The following GRB14 variants were observed in gnomAD, a reference collection of about 807,000 sequenced individuals.
GRB14 encodes growth factor receptor-bound protein 14.
GRB14 carries 38 observed loss-of-function variants against 69.1 expected under a neutral mutation model. The observed-to-expected ratio is 0.55, with a 90% confidence interval of 0.42 to 0.72. The LOEUF is 0.72. GRB14 is among the 30% of genes least tolerant of loss of function. The probability of loss-of-function intolerance (pLI) is 0.00; values close to 1 mark genes in which losing one functional copy is unlikely to be tolerated. For synonymous variants in GRB14, 247 were observed against 241.3 expected (o/e 1.02, Z -0.22); for missense variants, 666 against 666.1 (o/e 1.00, Z 0.00).
intron 3 of GRB14, among the ~76,000 whole-genome samples, chr2:164,541,732 C>CAT (rs755973330): frequency 1.2e-3 from 180 of 151,554 alleles, no homozygotes; most frequent in African/African-American, 4.0e-3. Context: ...AACACACACA[C>CAT]ATATATATAT....
intron 2 of GRB14, among the ~76,000 whole-genome samples, chr2:164,581,716 A>G (rs1689410276): frequency 6.6e-6 from 1 of 152,190 alleles, no homozygotes; most frequent in Non-Finnish European, 1.5e-5. Flanking sequence ...TTACAGCAGC[A>G]AGGGGAAATA....
At chr2:164,529,622 TTC>T (rs1326644826) in intron 3 of GRB14, among the ~76,000 whole-genome samples, 1 of 152,160 alleles carries the variant, frequency 6.6e-6, no homozygotes, top group African/African-American at 2.4e-5. Flanking sequence ...CAGGGATTCT[TTC>T]TCTGAGTGTC....
intron 4 of GRB14, among the ~76,000 whole-genome samples, chr2:164,526,433 C>T (rs1687775189): frequency 6.6e-6 from 1 of 151,942 alleles, no homozygotes; most frequent in Admixed American, 6.6e-5. Context: ...GTAGTATTTA[C>T]TAGATAATGC....
At chr2:164,528,460 A>C (rs1008536023) in intron 3 of GRB14, among the ~76,000 whole-genome samples, 1 of 152,144 alleles carries the variant, frequency 6.6e-6, no homozygotes, top group Non-Finnish European at 1.5e-5. Flanking sequence ...TTCAACATTC[A>C]GTAGTGATTT....
chr2:164,504,576 A>T (rs1235023469), intron 8 of GRB14, among the ~76,000 whole-genome samples: 1 of 152,160 alleles, frequency 6.6e-6, no homozygotes, highest in African/African-American at 2.4e-5. Context: ...AAGAGATCAT[A>T]TCATGTCTCT....
At chr2:164,552,650 C>T (rs1292765605) in intron 2 of GRB14, among the ~76,000 whole-genome samples, 1 of 152,166 alleles carries the variant, frequency 6.6e-6, no homozygotes, top group African/African-American at 2.4e-5. Context: ...AAATCAGATG[C>T]TATTCTCTCT....
intron 8 of GRB14, among the ~76,000 whole-genome samples, chr2:164,503,442 CAAAAAAAAAAAAAAAAAAAAAAAAA>C (rs148268784): frequency 1.1e-5 from 1 of 92,258 alleles, no homozygotes; most frequent in African/African-American, 6.4e-5. Context: ...GGTAATTAGG[CAAAAAAAAAAAAAAAAAAAAAAAAA>C]AAAAAAAAAT....
At chr2:164,552,877 T>C (rs1276143611) in intron 2 of GRB14, among the ~76,000 whole-genome samples, 6 of 152,172 alleles carry the variant, frequency 3.9e-5, no homozygotes, top group Non-Finnish European at 8.8e-5. Context: ...TGGGTGCTTC[T>C]GCCAAAGATG....
At chr2:164,501,065 T>A (rs1687038224) in intron 9 of GRB14, among the ~76,000 whole-genome samples, 1 of 152,104 alleles carries the variant, frequency 6.6e-6, no homozygotes, top group Non-Finnish European at 1.5e-5. Context: ...ATTATTTTTA[T>A]ATACATATGA....
At chr2:164,522,160 T>C (rs1462244111) in intron 5 of GRB14, 43 bp from the exon 6 acceptor site, 3 of 1,128,954 alleles carry the variant, frequency 2.7e-6, no homozygotes, top group Non-Finnish European at 3.9e-6. Context: ...ATTAAATCAA[T>C]GATATGGTAG....
intron 8 of GRB14, among the ~76,000 whole-genome samples, chr2:164,505,262 G>A (rs1687159394): frequency 6.6e-6 from 1 of 152,102 alleles, no homozygotes; most frequent in South Asian, 2.1e-4. Context: ...AGTGAGAAGG[G>A]AACATTATTC....
At chr2:164,534,841 C>T (rs1047327088) in intron 3 of GRB14, among the ~76,000 whole-genome samples, 4 of 152,132 alleles carry the variant, frequency 2.6e-5, no homozygotes, top group African/African-American at 9.6e-5. Context: ...TGAGAAGTGA[C>T]CACAGGTAGG....
chr2:164,542,762 G>C (rs1320032262), intron 3 of GRB14, among the ~76,000 whole-genome samples: 3 of 152,184 alleles, frequency 2.0e-5, no homozygotes, highest in Non-Finnish European at 2.9e-5. Flanking sequence ...CAAGGCTGCA[G>C]AGAAAAGGGA....
intron 6 of GRB14, among the ~76,000 whole-genome samples, chr2:164,512,987 A>C (rs2105271990): frequency 6.6e-6 from 1 of 152,018 alleles, no homozygotes; most frequent in Non-Finnish European, 1.5e-5. Context: ...CTATTTCTTA[A>C]TTTTCTTTTA....
intron 2 of GRB14, among the ~76,000 whole-genome samples, chr2:164,550,738 T>A (rs1301509303): frequency 9.9e-5 from 15 of 151,444 alleles, no homozygotes; most frequent in African/African-American, 2.7e-4. Flanking sequence ...AAAAAAAAAA[T>A]GCAAACTACA....
Position 164,621,424 on chromosome 2 carries a change from TG to T in GRB14, c.-116del. 2 of 807,960 alleles carry T rather than the reference TG, an allele frequency of 2.5e-6. No homozygotes were observed. Among genetic ancestry groups the T allele is most frequent in the Non-Finnish European group, 3.2e-6 (2 of 624,118 alleles). The allele number at this position is 807,960 out of a possible 1,614,324, so 50.0% of individuals were successfully genotyped here. A position where few individuals can be genotyped will look rare whatever the true frequency, so the allele number is the denominator to read the frequency against. On this transcript the variant is annotated 5_prime_UTR_variant, in exon 1 of 14. Coordinates refer to ENST00000263915, the MANE Select transcript of GRB14 (RefSeq NM_004490.3). The surrounding 1 kb of genome is among the most constrained non-coding windows in gnomAD (Gnocchi z 6.0). ...CAGCCCGAGCGCTCTGCAGGTGTGGTGGCCTCGCCGCCTGCGCTCGGGGCCC... is the reference window on the plus strand; with the variant it reads ...CAGCCCGAGCGCTCTGCAGGTGTGGTGCCTCGCCGCCTGCGCTCGGGGCCC...
chr2:164,503,442 C>CAAAAAAAAAAAAAAA (rs148268784), intron 8 of GRB14, among the ~76,000 whole-genome samples: 1 of 92,258 alleles, frequency 1.1e-5, no homozygotes, highest in African/African-American at 6.4e-5. Context: ...GGTAATTAGG[C>CAAAAAAAAAAAAAAA]AAAAAAAAAA....
chr2:164,519,501 C>T (rs759259753), intron 6 of GRB14, among the ~76,000 whole-genome samples: 7 of 152,044 alleles, frequency 4.6e-5, no homozygotes, highest in Non-Finnish European at 1.0e-4. Flanking sequence ...ACTGAAAGTC[C>T]TAGCCAGAGC....
At chr2:164,582,673 C>A (rs1181042111) in intron 2 of GRB14, among the ~76,000 whole-genome samples, 1 of 152,130 alleles carries the variant, frequency 6.6e-6, no homozygotes, top group African/African-American at 2.4e-5. Context: ...CTCGCCTCGG[C>A]CTCCCAAAGT....
Sources: allele counts gnomAD v4.1 joint callset (sites outside exome capture counted in the v4.1 genomes callset), GRCh38; gene constraint gnomAD v4.1.1; non-coding constraint Gnocchi (gnomAD v3.1); transcripts MANE v1.5; gene names NCBI Gene and HGNC (gene_info 2026-07-23, HGNC 2026-07-21).